Variants in NBEAL2 observed in about 807,000 individuals in gnomAD.
The protein encoded by NBEAL2 is neurobeachin-like protein 2.
A neutral mutation model predicts 299.8 loss-of-function variants in NBEAL2; 160 were observed. That is an observed-to-expected ratio of 0.53 (90% CI 0.47 to 0.61). The LOEUF is 0.61. Among genes scored for constraint, NBEAL2 ranks in the 20% least tolerant of loss-of-function variants. The pLI is 0.00. For synonymous variants in NBEAL2, 1,493 were observed against 1,542.3 expected (o/e 0.97, Z 0.75); for missense variants, 3,112 against 3,649.0 (o/e 0.85, Z 3.79).
chr3:46,995,760 G>A lies in NBEAL2; in HGVS notation c.1945G>A (p.Ala649Thr). ...GSGFEAFFTA[A>T]GTLVVAVCTR... ...AGGGTTTGAGGCCTTCTTCACGGCG[G>A]CCGGGACCCTGGTGGTGGCTGTGTG... Residue 649 changes from alanine (A) to threonine (T), a missense_variant, in exon 14 of 54, where the codon GCC (alanine) becomes ACC (threonine). Coordinates refer to ENST00000450053, the MANE Select transcript of NBEAL2 (RefSeq NM_015175.3). The A allele has an allele frequency of 1.2e-6, 2 of 1,613,722 alleles. No individual in the cohort carries two copies. The highest frequency in any genetic ancestry group is 1.1e-5 in the South Asian group (1 of 91,086).
At position 46,996,035 on chromosome 3, in the gene NBEAL2, GC is replaced by G; in HGVS notation, c.2139del (p.Ser714ProfsTer105). On this transcript the variant is annotated frameshift_variant, in exon 15 of 54. Coordinates refer to ENST00000450053, the MANE Select transcript of NBEAL2 (RefSeq NM_015175.3). LOFTEE classifies it high-confidence loss of function. ...CTGGTCAAGACAGCACCCCTTCGCT[GC>G]CCCTCCCTCAGTGAGGTGTGCCAAG... is the stretch of plus-strand genomic sequence containing the variant. Reference protein sequence around the residue: ...GHLVKTAPLRCPSLSEPFSSC... With the variant: ...GHLVKTAPLRXPSLSEPFSSC... The G allele has an allele frequency of 1.2e-6, 2 of 1,608,558 alleles. No homozygotes were observed. The highest frequency in any genetic ancestry group is 1.7e-6 in the Non-Finnish European group (2 of 1,177,662).
chr3:47,007,532 C>A lies in NBEAL2; in HGVS notation c.7342C>A (p.Arg2448=). The A allele has an allele frequency of 6.2e-7, 1 of 1,611,330 alleles. No individual in the cohort carries two copies. The highest frequency in any genetic ancestry group is 8.5e-7 in the Non-Finnish European group (1 of 1,179,150). ...TCCCCCTCACTGGGTCAGGACGCAG[C>A]GACTGCTGAGTGGCCCGTGGGTGCC... The part of the protein sequence containing the change: ...DPTMGSHKTQ[R]LLSGPWVPGS... The change falls in exon 48 of 54, where the codon CGA becomes AGA. Residue 2448 remains arginine, a synonymous_variant. Coordinates refer to ENST00000450053, the MANE Select transcript of NBEAL2 (RefSeq NM_015175.3).
rs1346839481 is a variant in NBEAL2 at position 47,008,332 on chromosome 3, C to G, written c.7769C>G (p.Ala2590Gly). The G allele has an allele frequency of 6.2e-7, 1 of 1,613,384 alleles. No homozygotes were observed. The highest frequency in any genetic ancestry group is 2.2e-5 in the East Asian group (1 of 44,870). Residue 2590 changes from alanine (A) to glycine (G), a missense_variant, in exon 51 of 54, where the codon GCA (alanine) becomes GGA (glycine). Physicochemically the swap from Ala to Gly is moderately conservative, Grantham distance 60. This residue lies in a region of NBEAL2 where 348 missense variants were observed against 381.4 expected (regional missense o/e 0.91). Coordinates refer to ENST00000450053, the MANE Select transcript of NBEAL2 (RefSeq NM_015175.3). ...HTVRRGQFVAALRPLGATFPG... is the reference protein window; with the variant it reads ...HTVRRGQFVAGLRPLGATFPG... Reference sequence around the variant, plus strand: ...GTACGCCGCGGACAGTTTGTAGCGGCACTACGGCCTCTGGGTGCCACATTC... The same window carrying G: ...GTACGCCGCGGACAGTTTGTAGCGGGACTACGGCCTCTGGGTGCCACATTC...
At position 46,998,184 on chromosome 3, in the gene NBEAL2, A is replaced by T. The variant is rs779094039; in HGVS notation, c.3076A>T (p.Asn1026Tyr). ...CCTACTCTACCAGCATTTGCTCTTCAACTTTCACCTCTGGACCCTCAGTGA... is the reference window on the plus strand; with the variant it reads ...CCTACTCTACCAGCATTTGCTCTTCTACTTTCACCTCTGGACCCTCAGTGA... ...LYLLYQHLLF[N>Y]FHLWTLSDFA... The change falls in exon 21 of 54, where the codon AAC (asparagine) becomes TAC (tyrosine). Residue 1026 changes from asparagine to tyrosine, a missense_variant. Physicochemically the swap from Asn to Tyr is moderately radical, Grantham distance 143. Around this residue, in one of 3 missense-constraint regions of NBEAL2, gnomAD observed 2,243 missense variants for 2,538.1 expected, o/e 0.88. Coordinates refer to ENST00000450053, the MANE Select transcript of NBEAL2 (RefSeq NM_015175.3). 3 of 1,609,666 alleles carry T rather than the reference A, an allele frequency of 1.9e-6. No individual in the cohort carries two copies. The Admixed American group carries it at 5.0e-5, about 27-fold the overall frequency.
intron 1 of NBEAL2, among the ~76,000 whole-genome samples, chr3:46,983,597 C>T (rs1290481243): frequency 6.6e-6 from 1 of 152,136 alleles, no homozygotes; most frequent in Non-Finnish European, 1.5e-5. Context: ...CGTGAGCCAC[C>T]GCACCTGGCT....
rs771513592 is a variant in NBEAL2 at position 46,997,598 on chromosome 3, G to A, written c.2862G>A (p.Leu954=). Residue 954 remains leucine, a synonymous_variant, in exon 20 of 54, where the codon CTG becomes CTA. Coordinates refer to ENST00000450053, the MANE Select transcript of NBEAL2 (RefSeq NM_015175.3). ...AGAGGAACGCAGTGGCTGCTTTTCT[G>A]CTGATGCTGCGGAACTTCCTTCAGG... is the stretch of plus-strand genomic sequence containing the variant. ...RMERNAVAAF[L]LMLRNFLQGH... The A allele has an allele frequency of 1.9e-6, 3 of 1,600,472 alleles. No individual in the cohort carries two copies.
Position 47,004,951 on chromosome 3 carries a change from C to T in NBEAL2, c.6295-21C>T, listed in dbSNP as rs1575622507. ...AGGCCATCAGGGCCCTCATGCAGCCCCTGCTCGGGTGGGTGGCCAGTTCCC... is the reference window on the plus strand; with the variant it reads ...AGGCCATCAGGGCCCTCATGCAGCCTCTGCTCGGGTGGGTGGCCAGTTCCC... On this transcript the variant is annotated intron_variant, in intron 38 of 53. Coordinates refer to ENST00000450053, the MANE Select transcript of NBEAL2 (RefSeq NM_015175.3). The surrounding 1 kb of genome is among the most constrained non-coding windows in gnomAD (Gnocchi z 5.0). The T allele has an allele frequency of 1.3e-6, 2 of 1,594,704 alleles. No individual in the cohort carries two copies. Among genetic ancestry groups the T allele is most frequent in the Non-Finnish European group, 1.7e-6 (2 of 1,171,092 alleles).
intron 32 of NBEAL2, 45 bp downstream of exon 32, chr3:47,002,565 ACC>A: frequency 6.2e-7 from 1 of 1,610,142 alleles, no homozygotes; most frequent in Non-Finnish European, 8.5e-7. Flanking sequence ...CCACACATGC[ACC>A]CAGGAGATGA....
chr3:46,991,461 T>C lies in NBEAL2; in HGVS notation c.698T>C (p.Val233Ala). ...TCTGTGAAGGGCCTGCTGAGTGTGG[T>C]GCGGGGCTGGAGCCGTGGGCCAGCC... The part of the protein sequence containing the change: ...DGSVKGLLSV[V>A]RGWSRGPAPD... Residue 233 changes from valine to alanine, a missense_variant, in exon 8 of 54, where the codon GTG becomes GCG. Physicochemically the swap from Val to Ala is moderately conservative, Grantham distance 64. Coordinates refer to ENST00000450053, the MANE Select transcript of NBEAL2 (RefSeq NM_015175.3). This position sits in a 1 kb window ranked among gnomAD's most constrained non-coding sequence, Gnocchi z 6.2. 3.7e-6 allele frequency: 6 copies of C among 1,612,174 alleles called. No individual in the cohort carries two copies. The highest frequency in any genetic ancestry group is 5.1e-6 in the Non-Finnish European group (6 of 1,179,422).
chr3:47,006,952 A>T lies in NBEAL2; in HGVS notation c.7135-114A>T. 4.8e-6 allele frequency: 4 copies of T among 837,744 alleles called. No individual in the cohort carries two copies. The South Asian group carries it at 7.2e-5, about 15-fold the overall frequency. The allele number at this position is 837,744 out of a possible 1,614,324, so 51.9% of individuals were successfully genotyped here. ...TGGAGGGAACCTCTGCATCTGTGAC[A>T]CCTACTCTATGACCCCTGGGGACTG... On this transcript the variant is annotated intron_variant, in intron 45 of 53. Coordinates refer to ENST00000450053, the MANE Select transcript of NBEAL2 (RefSeq NM_015175.3).
chr3:47,005,964 G>A lies in NBEAL2; in HGVS notation c.6820G>A (p.Ala2274Thr). Residue 2274 changes from alanine to threonine, a missense_variant, in exon 43 of 54, where the codon GCA becomes ACA. Ala to Thr is a moderately conservative substitution (Grantham distance 58, BLOSUM62 0). Around this residue, in one of 3 missense-constraint regions of NBEAL2, gnomAD observed 521 missense variants for 729.6 expected, o/e 0.71. Transcript: ENST00000450053. Reference protein sequence around the residue: ...RQALESEYVSAHLHEWIDLIF... With the variant: ...RQALESEYVSTHLHEWIDLIF... ...CTCTCAGGAGTCGGAGTATGTGTCT[G>A]CACACCTACACGAGTGGATCGACCT... is the stretch of plus-strand genomic sequence containing the variant. 6.2e-7 allele frequency: 1 copy of A among 1,613,710 alleles called. No individual in the cohort carries two copies. The highest frequency in any genetic ancestry group is 8.5e-7 in the Non-Finnish European group (1 of 1,179,874).
intron 1 of NBEAL2, among the ~76,000 whole-genome samples, chr3:46,983,238 C>G (rs950853137): frequency 1.3e-5 from 2 of 151,910 alleles, no homozygotes; most frequent in Non-Finnish European, 2.9e-5. Flanking sequence ...CTCTCCCTAA[C>G]TGATGATCTC....
chr3:46,989,382 G>T lies in NBEAL2; in HGVS notation c.473+1G>T. The T allele has an allele frequency of 6.3e-7, 1 of 1,575,366 alleles. No individual in the cohort carries two copies. Among genetic ancestry groups the T allele is most frequent in the Non-Finnish European group, 8.6e-7 (1 of 1,160,466 alleles). The stretch of plus-strand genomic sequence containing the variant: ...AAACCTGGCGGCGCCAGCGCAGTGG[G>T]TGAGACCCAGCCCACAGGAAGGGAA... On this transcript the variant is annotated splice_donor_variant, in intron 5 of 53. Coordinates refer to ENST00000450053, the MANE Select transcript of NBEAL2 (RefSeq NM_015175.3). LOFTEE classifies it high-confidence loss of function. This position sits in a 1 kb window ranked among gnomAD's most constrained non-coding sequence, Gnocchi z 5.5.
chr3:46,997,436 A>C lies in NBEAL2; in HGVS notation c.2824+3A>C, dbSNP rs367657724. 6 of 1,607,412 alleles carry C rather than the reference A, an allele frequency of 3.7e-6. No individual in the cohort carries two copies. Among genetic ancestry groups the C allele is most frequent in the Non-Finnish European group, 5.1e-6 (6 of 1,175,776 alleles). On this transcript the variant is annotated splice_donor_region_variant and intron_variant, in intron 19 of 53. Transcript: ENST00000450053. ...TCTCCCATTGGGTAAATCTTCAGGT[A>C]AGTGTTCCTGGTGCCTATGTTGTGG...
Position 46,997,387 on chromosome 3 carries a change from T to C in NBEAL2, c.2778T>C (p.Ser926=). The C allele has an allele frequency of 6.2e-7, 1 of 1,611,638 alleles. No individual in the cohort carries two copies. Among genetic ancestry groups the C allele is most frequent in the Non-Finnish European group, 8.5e-7 (1 of 1,179,540 alleles). ...ACCTCGTGGGTCCTGAACTGACCTC[T>C]GGTCACAACACCCAGGGCCTGGTTC... ...THDLVGPELT[S]GHNTQGLVLP... The change falls in exon 19 of 54, where the codon TCT becomes TCC. Residue 926 remains serine, a synonymous_variant. Coordinates refer to ENST00000450053, the MANE Select transcript of NBEAL2 (RefSeq NM_015175.3).
rs1272390175 is a variant in NBEAL2 at position 46,996,912 on chromosome 3, C to G, written c.2557-42C>G. On this transcript the variant is annotated intron_variant, in intron 17 of 53. Coordinates refer to ENST00000450053, the MANE Select transcript of NBEAL2 (RefSeq NM_015175.3). Reference sequence around the variant, plus strand: ...CCCACACTCTGCCTGCCACCCCCTCCTCCCTCTGACCCTGGCTGCCTGCCC... The same window carrying G: ...CCCACACTCTGCCTGCCACCCCCTCGTCCCTCTGACCCTGGCTGCCTGCCC... 3 of 1,609,730 alleles carry G rather than the reference C, an allele frequency of 1.9e-6. No homozygotes were observed. In the South Asian group the frequency reaches 3.3e-5, roughly 18 times the overall value.
Position 47,003,289 on chromosome 3 carries a change from G to T in NBEAL2, c.5700G>T (p.Glu1900Asp). The T allele has an allele frequency of 6.2e-7, 1 of 1,612,756 alleles. No individual in the cohort carries two copies. Among genetic ancestry groups the T allele is most frequent in the South Asian group, 1.1e-5 (1 of 91,062 alleles). ...AGGAGGACCAGCTCGGCGAGGACGAGCTGGCTGAGCTGGAGACCCCGTGAG... is the reference window on the plus strand; with the variant it reads ...AGGAGGACCAGCTCGGCGAGGACGATCTGGCTGAGCTGGAGACCCCGTGAG... ...LLQEDQLGED[E>D]LAELETPMEA... Residue 1900 changes from glutamate to aspartate, a missense_variant, in exon 35 of 54, where the codon GAG becomes GAT. Coordinates refer to ENST00000450053, the MANE Select transcript of NBEAL2 (RefSeq NM_015175.3). This position sits in a 1 kb window ranked among gnomAD's most constrained non-coding sequence, Gnocchi z 7.0.
In NBEAL2 at chr3:47,003,889, G is replaced by A. The variant is rs778037081; in HGVS notation, c.5794G>A (p.Val1932Met). 1.6e-5 allele frequency: 26 copies of A among 1,613,624 alleles called. No individual in the cohort carries two copies. Among genetic ancestry groups the A allele is most frequent in the Non-Finnish European group, 2.1e-5 (25 of 1,179,748 alleles). Residue 1932 changes from valine to methionine, a missense_variant, in exon 36 of 54, where the codon GTG becomes ATG. Val to Met is a conservative substitution (Grantham distance 21). Coordinates refer to ENST00000450053, the MANE Select transcript of NBEAL2 (RefSeq NM_015175.3). This position sits in a 1 kb window ranked among gnomAD's most constrained non-coding sequence, Gnocchi z 7.0. ...LSAECQLVTV[V>M]AVVPGLLEVT... Reference sequence around the variant, plus strand: ...GGCCGAGTGCCAGCTGGTGACGGTAGTGGCCGTGGTCCCAGGGCTGCTGGA... The same window carrying A: ...GGCCGAGTGCCAGCTGGTGACGGTAATGGCCGTGGTCCCAGGGCTGCTGGA...
Position 46,988,676 on chromosome 3 carries a change from T to A in NBEAL2, c.59T>A (p.Leu20Gln). 1 of 1,613,846 alleles carries A rather than the reference T, an allele frequency of 6.2e-7. No individual in the cohort carries two copies. Among genetic ancestry groups the A allele is most frequent in the South Asian group, 1.1e-5 (1 of 91,080 alleles). The part of the protein sequence containing the change: ...LWLLYYAQKD[L>Q]GYLQQWLKAF... ...CCCCTGTTCTGCCTACAGAAGGACC[T>A]GGGTTACCTGCAGCAGTGGCTGAAG... The change falls in exon 2 of 54, where the codon CTG becomes CAG. Residue 20 changes from leucine to glutamine, a missense_variant. By Grantham distance (113) the Leu-to-Gln change is moderately radical. Around this residue, in one of 3 missense-constraint regions of NBEAL2, gnomAD observed 2,243 missense variants for 2,538.1 expected, o/e 0.88. Coordinates refer to ENST00000450053, the MANE Select transcript of NBEAL2 (RefSeq NM_015175.3). The surrounding 1 kb of genome is among the most constrained non-coding windows in gnomAD (Gnocchi z 4.4).
Sources: allele counts gnomAD v4.1 joint callset (sites outside exome capture counted in the v4.1 genomes callset), GRCh38; gene constraint gnomAD v4.1.1; regional missense constraint gnomAD v4.1.1; non-coding constraint Gnocchi (gnomAD v3.1); transcripts MANE v1.5; gene names NCBI Gene and HGNC (gene_info 2026-07-23, HGNC 2026-07-21).